Variants in TDRD7 observed in about 807,000 individuals in gnomAD.
TDRD7 encodes the protein tudor domain containing 7.
Under a neutral mutation model 109.8 loss-of-function variants are expected in TDRD7, and 47 were observed. That is an observed-to-expected ratio of 0.43 (90% confidence interval 0.34 to 0.55). The LOEUF (loss-of-function observed/expected upper bound fraction) is 0.55. Ranked by LOEUF, TDRD7 falls within the 20% of genes least tolerant of loss-of-function variation. The probability of loss-of-function intolerance (pLI) is 0.03; values close to 1 mark genes in which losing one functional copy is unlikely to be tolerated. For synonymous variants in TDRD7, 424 were observed against 457.3 expected (o/e 0.93, Z 0.93); for missense variants, 1,164 against 1,319.2 (o/e 0.88, Z 1.82).
intron 6 of TDRD7, among the ~76,000 whole-genome samples, chr9:97,443,158 T>C (rs1299120929): frequency 6.6e-6 from 1 of 152,214 alleles, no homozygotes; most frequent in Non-Finnish European, 1.5e-5. Context: ...TCTTAGAGAC[T>C]GGTGTCATTC....
intron 6 of TDRD7, among the ~76,000 whole-genome samples, chr9:97,456,787 C>T (rs1462479488): frequency 6.6e-6 from 1 of 152,048 alleles, no homozygotes; most frequent in Non-Finnish European, 1.5e-5. Context: ...ACAAAAACAC[C>T]AAAAGCAATT....
chr9:97,464,271 GGATTGCTC>G (rs1460505045), intron 7 of TDRD7, among the ~76,000 whole-genome samples: 1 of 152,166 alleles, frequency 6.6e-6, no homozygotes, highest in Non-Finnish European at 1.5e-5. Context: ...CTCGTTGTCT[GGATTGCTC>G]CACGTTTCCT....
intron 7 of TDRD7, among the ~76,000 whole-genome samples, chr9:97,462,193 T>G (rs932971648): frequency 5.1e-4 from 77 of 152,164 alleles, no homozygotes; most frequent in African/African-American, 1.7e-3. Context: ...GCAGGATCCT[T>G]TGGTATCTGT....
intron 5 of TDRD7, 100 bp from the exon 6 acceptor site, chr9:97,441,558 C>A (rs1828305151): frequency 2.7e-6 from 3 of 1,095,356 alleles, no homozygotes; most frequent in Admixed American, 4.1e-5. Context: ...CTACCACAAG[C>A]CCACACTATA....
rs557147473 is a variant in TDRD7, at chr9:97,495,765, C to G, written c.3179C>G (p.Ala1060Gly). The G allele has an allele frequency of 1.1e-5, 17 of 1,614,188 alleles. No individual in the cohort carries two copies. In the South Asian group the frequency reaches 1.8e-4, roughly 17 times the overall value. Residue 1060 changes from alanine to glycine, a missense_variant, in exon 17 of 17, where the codon GCT becomes GGT. Ala to Gly is a moderately conservative substitution (Grantham distance 60). Around this residue, in one of 5 missense-constraint regions of TDRD7, gnomAD observed 162 missense variants for 222.5 expected, o/e 0.73. Coordinates refer to ENST00000355295, the MANE Select transcript of TDRD7 (RefSeq NM_014290.3). The part of the protein sequence containing the change: ...VALVQTVIEN[A>G]NPWDRKVVVY... ...CTGGTGCAGACAGTCATTGAAAATGCTAACCCTTGGGACCGGAAAGTAGTG... is the reference window on the plus strand; with the variant it reads ...CTGGTGCAGACAGTCATTGAAAATGGTAACCCTTGGGACCGGAAAGTAGTG...
chr9:97,448,006 G>C (rs2118408386), intron 6 of TDRD7, among the ~76,000 whole-genome samples: 1 of 152,322 alleles, frequency 6.6e-6, no homozygotes, highest in South Asian at 2.1e-4. Flanking sequence ...TGTTGACCTT[G>C]AAGTACATGG....
At chr9:97,459,420 C>T (rs978183971) in intron 6 of TDRD7, among the ~76,000 whole-genome samples, 2 of 152,070 alleles carry the variant, frequency 1.3e-5, no homozygotes, top group Non-Finnish European at 2.9e-5. Context: ...GGGCCATGCT[C>T]TAGTAGTAGA....
intron 1 of TDRD7, among the ~76,000 whole-genome samples, chr9:97,420,797 G>C (rs940546596): frequency 7.2e-5 from 11 of 152,176 alleles, no homozygotes; most frequent in African/African-American, 2.7e-4. Flanking sequence ...TAATGTAGGA[G>C]AGGACTGCTG....
chr9:97,491,713 G>A (rs1015027464), intron 16 of TDRD7, among the ~76,000 whole-genome samples: 3 of 152,182 alleles, frequency 2.0e-5, no homozygotes, highest in African/African-American at 7.2e-5. Context: ...CTTCCCCCAG[G>A]AAGGTTAAGC....
Position 97,487,221 on chromosome 9 carries a change from G to C in TDRD7, c.2965G>C (p.Val989Leu), listed in dbSNP as rs546809051. ...AATCCTGACCAATGGACTGGTATCT[G>C]TGTATGAGCTGGATTATGGCAAACA... Reference protein sequence around the residue: ...KGILTNGLVSVYELDYGKHEL... With the variant: ...KGILTNGLVSLYELDYGKHEL... The change falls in exon 16 of 17, where the codon GTG becomes CTG. Residue 989 changes from valine to leucine, a missense_variant. Physicochemically the swap from Val to Leu is conservative, Grantham distance 32 (BLOSUM62 1). Coordinates refer to ENST00000355295, the MANE Select transcript of TDRD7 (RefSeq NM_014290.3). 1.9e-6 allele frequency: 3 copies of C among 1,613,974 alleles called. No homozygotes were observed. Among genetic ancestry groups the C allele is most frequent in the East Asian group, 2.2e-5 (1 of 44,878 alleles).
At chr9:97,476,704 G>A (rs1829028355) in intron 12 of TDRD7, among the ~76,000 whole-genome samples, 1 of 151,354 alleles carries the variant, frequency 6.6e-6, no homozygotes, top group African/African-American at 2.4e-5. Flanking sequence ...CAACCCTCCT[G>A]GAATTGTATG....
intron 4 of TDRD7, among the ~76,000 whole-genome samples, chr9:97,435,963 C>G (rs542852643): frequency 6.6e-6 from 1 of 152,214 alleles, no homozygotes; most frequent in African/African-American, 2.4e-5. Flanking sequence ...CAGAAAAATT[C>G]ACACATGTAC....
At position 97,431,030 on chromosome 9, in the gene TDRD7, ATT is replaced by A; in HGVS notation, c.306_307del (p.Asn102LysfsTer37). Reference sequence around the variant, plus strand: ...AAAAGGAAAACCGGGCGTCAAGTTAATTGTCAGATGAGAGTGAAGAAAACCAT... The same window carrying A: ...AAAAGGAAAACCGGGCGTCAAGTTAAGTCAGATGAGAGTGAAGAAAACCAT... On this transcript the variant is annotated frameshift_variant, in exon 3 of 17. Transcript: ENST00000355295. LOFTEE classifies it high-confidence loss of function. The A allele has an allele frequency of 6.2e-7, 1 of 1,613,976 alleles. No individual in the cohort carries two copies. The highest frequency in any genetic ancestry group is 8.5e-7 in the Non-Finnish European group (1 of 1,179,868).
intron 15 of TDRD7, among the ~76,000 whole-genome samples, chr9:97,486,587 A>G (rs560851740): frequency 1.3e-5 from 2 of 152,032 alleles, no homozygotes; most frequent in Non-Finnish European, 2.9e-5. Flanking sequence ...AACTGATTTG[A>G]TCTGTCCCCA....
chr9:97,465,472 C>T (rs1331268188), intron 8 of TDRD7, among the ~76,000 whole-genome samples: 5 of 152,208 alleles, frequency 3.3e-5, no homozygotes, highest in Non-Finnish European at 7.3e-5. Context: ...GCGTAGCCCT[C>T]TCCACCCTCT....
chr9:97,488,446 G>C (rs1420077229), intron 16 of TDRD7, among the ~76,000 whole-genome samples: 2 of 151,930 alleles, frequency 1.3e-5, no homozygotes, highest in Admixed American at 1.3e-4. Context: ...CTTCCTACTA[G>C]AATTCAAAGG....
rs145865403 is a variant in TDRD7, at chr9:97,454,501, G to A, written c.856-5677G>A. ...GTCACAATAAAAGAGAGAACGCAGTGCAGTTAGATTAGAATTCAGGATTAA... is the reference window on the plus strand; with the variant it reads ...GTCACAATAAAAGAGAGAACGCAGTACAGTTAGATTAGAATTCAGGATTAA... On this transcript the variant is annotated intron_variant, in intron 6 of 16. Coordinates refer to ENST00000355295, the MANE Select transcript of TDRD7 (RefSeq NM_014290.3). Among the ~76,000 whole-genome samples the A allele has an allele frequency of 8.5e-5, 13 of 152,202 alleles. No homozygotes were observed. The East Asian group carries it at 2.5e-3, about 29-fold the overall frequency.
chr9:97,472,819 C>CT (rs1344905422), intron 10 of TDRD7, among the ~76,000 whole-genome samples: 2 of 151,490 alleles, frequency 1.3e-5, no homozygotes, highest in African/African-American at 2.4e-5. Context: ...TTAGCTTTAA[C>CT]TTTTTTTTAA....
chr9:97,494,712 ATTT>A (rs796852536), intron 16 of TDRD7, among the ~76,000 whole-genome samples: 59 of 73,508 alleles, frequency 8.0e-4, no homozygotes, highest in African/African-American at 2.4e-3. Flanking sequence ...ATATATATAT[ATTT>A]TTTTTTTTTT....
Sources: allele counts gnomAD v4.1 joint callset (sites outside exome capture counted in the v4.1 genomes callset), GRCh38; gene constraint gnomAD v4.1.1; regional missense constraint gnomAD v4.1.1; transcripts MANE v1.5; gene names NCBI Gene and HGNC (gene_info 2026-07-23, HGNC 2026-07-21).